The following BAAT variants were observed in gnomAD, a reference collection of about 807,000 sequenced individuals.
BAAT encodes bile acid CoA: amino acid N-acyltransferase (glycine N-choloyltransferase).
A neutral mutation model predicts 18.9 loss-of-function variants in BAAT; 13 were observed. That is an observed-to-expected ratio of 0.69 (90% CI 0.45 to 1.10). The LOEUF (loss-of-function observed/expected upper bound fraction) is 1.10, where lower values mean the gene tolerates loss of function less well. Ranked by LOEUF, BAAT falls within the 50% of genes least tolerant of loss-of-function variation. The pLI is 0.00. For missense variants in BAAT, 489 were observed against 504.0 expected (o/e 0.97, Z 0.28); for synonymous variants, 170 against 190.7 (o/e 0.89, Z 0.89).
intron 2 of BAAT, among the ~76,000 whole-genome samples, chr9:101,370,384 C>T (rs1226835353): frequency 7.5e-6 from 1 of 132,976 alleles, no homozygotes; most frequent in East Asian, 2.2e-4. Flanking sequence ...AGGAACATGG[C>T]TCACTGCAGC....
chr9:101,383,339 A>C (rs1830159362), intron 1 of BAAT: 1 of 152,232 alleles, frequency 6.6e-6, no homozygotes, highest in Non-Finnish European at 1.5e-5. Context: ...GAACAAAAAG[A>C]CTATTTGTCC....
At chr9:101,363,359 C>T (rs1255611018) in intron 3 of BAAT, among the ~76,000 whole-genome samples, 1 of 152,042 alleles carries the variant, frequency 6.6e-6, no homozygotes, top group African/African-American at 2.4e-5. Flanking sequence ...CACTTTCCTC[C>T]CTTCAGAGGA....
In BAAT at chr9:101,368,176, C is replaced by A. The variant is rs1245329004; in HGVS notation, c.613G>T (p.Val205Leu). The change falls in exon 3 of 4, where the codon GTA becomes TTA. Residue 205 changes from valine (V) to leucine (L), a missense_variant. Coordinates refer to ENST00000259407, the MANE Select transcript of BAAT (RefSeq NM_001701.4). ...TCCTCAAAATATTCCAAATCTGTTA[C>A]TTCTGGTTTGCGGGGCAGGTCTTCA... ...NYEDLPRKPE[V>L]TDLEYFEEAA... 1 of 1,613,736 alleles carries A rather than the reference C, an allele frequency of 6.2e-7. No individual in the cohort carries two copies. The highest frequency in any genetic ancestry group is 1.7e-5 in the Admixed American group (1 of 59,984).
At chr9:101,364,491 A>G (rs1308998230) in intron 3 of BAAT, among the ~76,000 whole-genome samples, 1 of 152,238 alleles carries the variant, frequency 6.6e-6, no homozygotes, top group African/African-American at 2.4e-5. Flanking sequence ...GTAAGAGAAT[A>G]AGATACCTTA....
intron 3 of BAAT, 123 bp downstream of exon 3, chr9:101,367,997 G>A (rs1354096317): frequency 3.0e-6 from 3 of 1,010,238 alleles, no homozygotes; most frequent in Non-Finnish European, 4.5e-6. Flanking sequence ...TTCTGGCCAA[G>A]TGTCAGATCA....
chr9:101,368,101 C>T lies in BAAT; in HGVS notation c.669+19G>A, dbSNP rs766882583. On this transcript the variant is annotated intron_variant, in intron 3 of 3. Transcript: ENST00000259407. ...AAAAAACCCCAGGGACTCAAACCTA[C>T]TGAAAAGACAAAAATTACCTTTGGA... 6.2e-7 allele frequency: 1 copy of T among 1,608,302 alleles called. No homozygotes were observed. The highest frequency in any genetic ancestry group is 1.3e-5 in the African/African-American group (1 of 74,770).
rs144714898 is a variant in BAAT, at chr9:101,362,460, G to C, written c.1225C>G (p.His409Asp). 3.7e-6 allele frequency: 6 copies of C among 1,613,962 alleles called. No homozygotes were observed. The highest frequency in any genetic ancestry group is 1.7e-5 in the Admixed American group (1 of 59,982). The change falls in exon 4 of 4, where the codon CAC becomes GAC. Residue 409 changes from histidine (H) to aspartate (D), a missense_variant. Physicochemically the swap from His to Asp is moderately conservative, Grantham distance 81. Transcript: ENST00000259407. ...WKEIQRFLRK[H>D]LIPDVTSQL ...TGACTGGTCACATCTGGAATGAGGT[G>C]CTTCCTGAGAAATCTCTGGATCTCC...
chr9:101,384,551 T>C (rs956148160), intron 1 of BAAT, among the ~76,000 whole-genome samples: 4 of 152,178 alleles, frequency 2.6e-5, no homozygotes, highest in Admixed American at 1.3e-4. Context: ...TTGGACATTG[T>C]CTAATAAATG....
intron 3 of BAAT, among the ~76,000 whole-genome samples, chr9:101,364,941 T>G (rs1263604157): frequency 6.6e-6 from 1 of 152,190 alleles, no homozygotes; most frequent in African/African-American, 2.4e-5. Context: ...CAACTCTGAC[T>G]TGCATAAATG....
chr9:101,371,646 G>A (rs1267760373), intron 1 of BAAT, among the ~76,000 whole-genome samples, 183 bp from the exon 2 acceptor site: 1 of 152,122 alleles, frequency 6.6e-6, no homozygotes. Flanking sequence ...CCAGAAGACA[G>A]TAAGCAAGCT....
chr9:101,368,204 G>C lies in BAAT; in HGVS notation c.585C>G (p.Asn195Lys). ...CTGGTTTGCGGGGCAGGTCTTCATA[G>C]TTATGGTAAGCCAAGGCCAAGGAGG... The part of the protein sequence containing the change: ...GFASLALAYH[N>K]YEDLPRKPEV... Residue 195 changes from asparagine (N) to lysine (K), a missense_variant, in exon 3 of 4, where the codon AAC (asparagine) becomes AAG (lysine). Coordinates refer to ENST00000259407, the MANE Select transcript of BAAT (RefSeq NM_001701.4). 6.3e-7 allele frequency: 1 copy of C among 1,593,782 alleles called. No individual in the cohort carries two copies. Among genetic ancestry groups the C allele is most frequent in the Non-Finnish European group, 8.6e-7 (1 of 1,169,062 alleles).
rs1340743294 is a variant in BAAT, at chr9:101,361,064, T to C, written c.*1364A>G. The C allele has an allele frequency of 1.3e-5, 2 of 159,964 alleles. No individual in the cohort carries two copies. Among genetic ancestry groups the C allele is most frequent in the Non-Finnish European group, 2.8e-5 (2 of 70,494 alleles). 9.9% of individuals were successfully genotyped at this position (159,964 alleles called of 1,614,324 possible). A position where few individuals can be genotyped will look rare whatever the true frequency, so the allele number is the denominator to read the frequency against. ...TTTTTGTGTAGACTGTTCCAATAAATCACAACCAGGAAGGCCAGCAAGTGT... is the reference window on the plus strand; with the variant it reads ...TTTTTGTGTAGACTGTTCCAATAAACCACAACCAGGAAGGCCAGCAAGTGT... On this transcript the variant is annotated 3_prime_UTR_variant, in exon 4 of 4. Transcript: ENST00000259407.
Position 101,370,963 on chromosome 9 carries a change from G to C in BAAT, c.442C>G (p.Arg148Gly). 1.2e-6 allele frequency: 2 copies of C among 1,614,068 alleles called. No homozygotes were observed. Among genetic ancestry groups the C allele is most frequent in the Non-Finnish European group, 1.7e-6 (2 of 1,179,990 alleles). Reference protein sequence around the residue: ...TRIKVREGRLRGALFLPPGEG... With the variant: ...TRIKVREGRLGGALFLPPGEG... ...CCTGGAGGGAGAAAGAGAGCTCCTC[G>C]AAGGCGGCCTTCTCGAACCTTAATT... Residue 148 changes from arginine to glycine, a missense_variant, in exon 2 of 4, where the codon CGA (arginine) becomes GGA (glycine). Physicochemically the swap from Arg to Gly is moderately radical, Grantham distance 125. Coordinates refer to ENST00000259407, the MANE Select transcript of BAAT (RefSeq NM_001701.4).
chr9:101,373,816 G>C (rs1264620735), intron 1 of BAAT, among the ~76,000 whole-genome samples: 1 of 152,048 alleles, frequency 6.6e-6, no homozygotes, highest in African/African-American at 2.4e-5. Flanking sequence ...AAGGTCTCGG[G>C]GGTAGGGGCG....
intron 3 of BAAT, 59 bp from the exon 4 acceptor site, chr9:101,363,074 A>G (rs922160822): frequency 2.0e-6 from 3 of 1,501,552 alleles, no homozygotes; most frequent in Non-Finnish European, 2.7e-6. Flanking sequence ...AAACTCCACA[A>G]TCTCAAACAA....
rs1484161456 is a variant in BAAT at position 101,361,640 on chromosome 9, T to G, written c.*788A>C. 6.5e-6 allele frequency: 1 copy of G among 152,730 alleles called. No homozygotes were observed. Among genetic ancestry groups the G allele is most frequent in the Non-Finnish European group, 1.5e-5 (1 of 68,088 alleles). 9.5% of individuals were successfully genotyped at this position (152,730 alleles called of 1,614,324 possible). A position where few individuals can be genotyped will look rare whatever the true frequency, so the allele number is the denominator to read the frequency against. ...TGATAGTTGACCCAATCACTCAGTTTATCAAACTCCCCAGGCTAGCCTGTA... is the reference window on the plus strand; with the variant it reads ...TGATAGTTGACCCAATCACTCAGTTGATCAAACTCCCCAGGCTAGCCTGTA... On this transcript the variant is annotated 3_prime_UTR_variant, in exon 4 of 4. Transcript: ENST00000259407.
intron 1 of BAAT, among the ~76,000 whole-genome samples, chr9:101,384,150 G>A (rs968349693): frequency 6.6e-6 from 1 of 152,068 alleles, no homozygotes; most frequent in African/African-American, 2.4e-5. Context: ...TAATTTTAAG[G>A]AAGTCTGATC....
At chr9:101,378,222 A>G (rs1830078064) in intron 1 of BAAT, among the ~76,000 whole-genome samples, 1 of 152,248 alleles carries the variant, frequency 6.6e-6, no homozygotes, top group Non-Finnish European at 1.5e-5. Context: ...GAACTAGAAA[A>G]AACTACTTTA....
intron 1 of BAAT, among the ~76,000 whole-genome samples, chr9:101,373,840 C>T (rs568860222): frequency 2.0e-5 from 3 of 152,234 alleles, no homozygotes; most frequent in Admixed American, 6.5e-5. Context: ...CCCTTTTCTC[C>T]CCATCAATAC....
Sources: allele counts gnomAD v4.1 joint callset (sites outside exome capture counted in the v4.1 genomes callset), GRCh38; gene constraint gnomAD v4.1.1; transcripts MANE v1.5; gene names NCBI Gene and HGNC (gene_info 2026-07-23, HGNC 2026-07-21).